Variants in PANX2 observed in about 807,000 individuals in gnomAD.
PANX2 encodes the protein pannexin 2.
A neutral mutation model predicts 38.7 loss-of-function variants in PANX2; 30 were observed. The observed-to-expected ratio is 0.78, with a 90% CI of 0.58 to 1.05. The LOEUF (loss-of-function observed/expected upper bound fraction) is 1.05, where lower values mean the gene tolerates loss of function less well. Among genes scored for constraint, PANX2 ranks in the 50% least tolerant of loss-of-function variants. PANX2 has a pLI of 0.00. For synonymous variants in PANX2, 539 were observed against 472.1 expected, an observed-to-expected ratio of 1.14 and a Z score of -1.84; for missense variants, 880 against 979.3, an observed-to-expected ratio of 0.90 and a Z score of 1.35.
At position 50,177,004 on chromosome 22, in the gene PANX2, T is replaced by G; in HGVS notation, c.292T>G (p.Tyr98Asp). 6.3e-7 allele frequency: 1 copy of G among 1,597,196 alleles called. No homozygotes were observed. Among genetic ancestry groups the G allele is most frequent in the Non-Finnish European group, 8.5e-7 (1 of 1,175,306 alleles). The change falls in exon 2 of 3, where the codon TAC (tyrosine) becomes GAC (aspartate). Residue 98 changes from tyrosine (Y) to aspartate (D), a missense_variant. Physicochemically the swap from Tyr to Asp is radical, Grantham distance 160. Around this residue, in one of 4 missense-constraint regions of PANX2, gnomAD observed 243 missense variants for 333.1 expected, o/e 0.73. Transcript: ENST00000395842. ...TRDQALYARG[Y>D]CWTELRDALP... is the part of the protein sequence containing the mutation. ...CGACCAGGCGCTGTACGCCCGCGGC[T>G]ACTGCTGGACGGAGCTGCGGGACGC...
Position 50,177,608 on chromosome 22 carries a change from GCGT to G in PANX2, c.898_900del (p.Val300del). The G allele has an allele frequency of 6.2e-7, 1 of 1,612,938 alleles. No homozygotes were observed. The highest frequency in any genetic ancestry group is 8.5e-7 in the Non-Finnish European group (1 of 1,179,984). On this transcript the variant is annotated inframe_deletion, in exon 2 of 3. Transcript: ENST00000395842. ...GCGGGCGTGGACATCGTGCTGCTGTGCGTCATGAACCTCATCATCCTCGTCAAC... is the reference window on the plus strand; with the variant it reads ...GCGGGCGTGGACATCGTGCTGCTGTGCATGAACCTCATCATCCTCGTCAAC...
chr22:50,173,856 A>G (rs2063648257), intron 1 of PANX2, among the ~76,000 whole-genome samples: 3 of 151,852 alleles, frequency 2.0e-5, no homozygotes, highest in Admixed American at 1.3e-4. Context: ...CTGTCCTCAC[A>G]TCTCCTCCCT....
In PANX2 at chr22:50,178,340, A is replaced by G; in HGVS notation, c.1628A>G (p.Glu543Gly). ...GCCCTGCCCGCCTCCCGGAGCCAGG[A>G]GGGGGGCTTCCTGTCCCAGGCGGAG... is the stretch of plus-strand genomic sequence containing the variant. ...PAALPASRSQEGGFLSQAEDC... is the reference protein window; with the variant it reads ...PAALPASRSQGGGFLSQAEDC... Residue 543 changes from glutamate (E) to glycine (G), a missense_variant, in exon 2 of 3, where the codon GAG becomes GGG. Transcript: ENST00000395842. The G allele has an allele frequency of 1.3e-6, 2 of 1,498,510 alleles. No homozygotes were observed. The highest frequency in any genetic ancestry group is 8.8e-7 in the Non-Finnish European group (1 of 1,131,722). The allele number at this position is 1,498,510 out of a possible 1,614,324, so 92.8% of individuals were successfully genotyped here. A position where few individuals can be genotyped will look rare whatever the true frequency, so the allele number is the denominator to read the frequency against.
rs1197587897 is a variant in PANX2, at chr22:50,178,312, G to A, written c.1600G>A (p.Ala534Thr). Residue 534 changes from alanine (A) to threonine (T), a missense_variant, in exon 2 of 3, where the codon GCC becomes ACC. By Grantham distance (58) the Ala-to-Thr change is moderately conservative. Around this residue, in one of 4 missense-constraint regions of PANX2, gnomAD observed 445 missense variants for 404.3 expected, o/e 1.10. Coordinates refer to ENST00000395842, the MANE Select transcript of PANX2 (RefSeq NM_052839.4). ...TKKAKAEAVP[A>T]ALPASRSQEG... The stretch of plus-strand genomic sequence containing the variant: ...GAAGGCCAAGGCCGAGGCGGTGCCC[G>A]CCGCCCTGCCCGCCTCCCGGAGCCA... The A allele has an allele frequency of 4.0e-6, 6 of 1,506,690 alleles. No homozygotes were observed. The East Asian group carries it at 7.9e-5, about 20-fold the overall frequency. 93.3% of individuals were successfully genotyped at this position (1,506,690 alleles called of 1,614,324 possible).
intron 2 of PANX2, 143 bp from the exon 3 acceptor site, chr22:50,178,791 G>A (rs974441798): frequency 9.0e-6 from 6 of 668,470 alleles, no homozygotes; most frequent in African/African-American, 7.4e-5. Context: ...GCCAACTGCT[G>A]TGTGCAGGGG....
At position 50,178,955 on chromosome 22, in the gene PANX2, A is replaced by T. The variant is rs776009956; in HGVS notation, c.1712A>T (p.Glu571Val). The T allele has an allele frequency of 3.8e-5, 60 of 1,579,034 alleles. No individual in the cohort carries two copies. Among genetic ancestry groups the T allele is most frequent in the Non-Finnish European group, 5.1e-5 (59 of 1,160,618 alleles). ...GCAGATGCTCCGCTCCCCGAGAAGG[A>T]AATCCCGTACCCCACAGAGCCAGCC... ...PIKDAPLPEK[E>V]IPYPTEPARA... The change falls in exon 3 of 3, where the codon GAA (glutamate) becomes GTA (valine). Residue 571 changes from glutamate to valine, a missense_variant. Glu to Val is a moderately radical substitution (Grantham distance 121). Transcript: ENST00000395842.
In PANX2 at chr22:50,178,074, C is replaced by T; in HGVS notation, c.1362C>T (p.Asn454=). ...CGCTGGCCATCATGCGCGTGGAGAACAGCAAGGCGGAGAAGCCGAAGCCCG... is the reference window on the plus strand; with the variant it reads ...CGCTGGCCATCATGCGCGTGGAGAATAGCAAGGCGGAGAAGCCGAAGCCCG... ...KEPLAIMRVE[N]SKAEKPKPAR... Residue 454 remains asparagine, a synonymous_variant, in exon 2 of 3, where the codon AAC becomes AAT. Coordinates refer to ENST00000395842, the MANE Select transcript of PANX2 (RefSeq NM_052839.4). 3 of 1,554,440 alleles carry T rather than the reference C, an allele frequency of 1.9e-6. No individual in the cohort carries two copies. The highest frequency in any genetic ancestry group is 1.7e-6 in the Non-Finnish European group (2 of 1,158,246).
chr22:50,178,534 G>C (rs1382029121), intron 2 of PANX2, 132 bp downstream of exon 2: 2 of 596,040 alleles, frequency 3.4e-6, no homozygotes, highest in Non-Finnish European at 2.7e-6. Flanking sequence ...CCCTCAAAGG[G>C]GGAAGGGAGG....
intron 1 of PANX2, among the ~76,000 whole-genome samples, chr22:50,174,002 G>T (rs1453356814): frequency 6.6e-6 from 1 of 152,182 alleles, no homozygotes; most frequent in Admixed American, 6.5e-5. Context: ...GCATCTTTGG[G>T]GGCCATGATT....
rs751853919 is a variant in PANX2 at position 50,178,173 on chromosome 22, A to AGGG, written c.1464_1466dup (p.Gly489dup). 2 of 1,496,562 alleles carry AGGG rather than the reference A, an allele frequency of 1.3e-6. No homozygotes were observed. Among genetic ancestry groups the AGGG allele is most frequent in the South Asian group, 1.3e-5 (1 of 77,440 alleles). 92.7% of individuals were successfully genotyped at this position (1,496,562 alleles called of 1,614,324 possible). On this transcript the variant is annotated inframe_insertion, in exon 2 of 3. Transcript: ENST00000395842. ...GCTCCGCCCACCACTACAAGGGCGG[A>AGGG]GGGGGCGACCCGGGCCCCGGCCCCG... is the stretch of plus-strand genomic sequence containing the variant.
chr22:50,171,181 C>T (rs537870872), intron 1 of PANX2, among the ~76,000 whole-genome samples: 1 of 152,206 alleles, frequency 6.6e-6, no homozygotes, highest in Non-Finnish European at 1.5e-5. Context: ...TCCTTCCATT[C>T]GTCCGCCCAT....
At chr22:50,172,186 G>A (rs1162950690) in intron 1 of PANX2, among the ~76,000 whole-genome samples, 6 of 152,230 alleles carry the variant, frequency 3.9e-5, no homozygotes, top group Non-Finnish European at 5.9e-5. Context: ...TGTGTTTGTA[G>A]CAACCAAGTA....
In PANX2 at chr22:50,179,266, G is replaced by A. The variant is rs1273333443; in HGVS notation, c.2023G>A (p.Val675Met). 2 of 1,612,410 alleles carry A rather than the reference G, an allele frequency of 1.2e-6. No individual in the cohort carries two copies. The highest frequency in any genetic ancestry group is 4.5e-5 in the East Asian group (2 of 44,866). Residue 675 changes from valine to methionine, a missense_variant, in exon 3 of 3, where the codon GTG becomes ATG. By Grantham distance (21) the Val-to-Met change is conservative (BLOSUM62 1). This residue lies in a region of PANX2 where 445 missense variants were observed against 404.3 expected (regional missense o/e 1.10). Transcript: ENST00000395842. ...FDEPRTVVST[V>M]EF ...CGAGCCGAGAACGGTCGTGAGTACT[G>A]TGGAGTTTTGAGGGATGGCACCGTC... is the stretch of plus-strand genomic sequence containing the variant.
At position 50,177,264 on chromosome 22, in the gene PANX2, C is replaced by T. The variant is rs1394445390; in HGVS notation, c.552C>T (p.Gly184=). Residue 184 remains glycine, a synonymous_variant, in exon 2 of 3, where the codon GGC becomes GGT. Coordinates refer to ENST00000395842, the MANE Select transcript of PANX2 (RefSeq NM_052839.4). ...TCGAGAAGCAGATCCAGTCCAAGGGCCCGGGCATCACGGAGCGCGAGAAGC... is the reference window on the plus strand; with the variant it reads ...TCGAGAAGCAGATCCAGTCCAAGGGTCCGGGCATCACGGAGCGCGAGAAGC... ...PKIEKQIQSK[G]PGITEREKRE... 9.9e-6 allele frequency: 16 copies of T among 1,612,314 alleles called. No homozygotes were observed. The highest frequency in any genetic ancestry group is 1.3e-5 in the Non-Finnish European group (15 of 1,179,760).
At chr22:50,175,215 C>T (rs1245139445) in intron 1 of PANX2, among the ~76,000 whole-genome samples, 1 of 152,172 alleles carries the variant, frequency 6.6e-6, no homozygotes, top group Admixed American at 6.5e-5. Context: ...CGGTGTGGGG[C>T]CCCTGCTTTC....
In PANX2 at chr22:50,178,193, G is replaced by GCCCCGC. The variant is rs1322239082; in HGVS notation, c.1485_1490dup (p.Ala500_Pro501dup). On this transcript the variant is annotated inframe_insertion, in exon 2 of 3. Coordinates refer to ENST00000395842, the MANE Select transcript of PANX2 (RefSeq NM_052839.4). ...GGCGGAGGGGGCGACCCGGGCCCCG[G>GCCCCGC]CCCCGCCCCTGCCCCCGCCCCGCCG... The GCCCCGC allele has an allele frequency of 1.7e-4, 252 of 1,465,122 alleles. 1 individual carries two copies. The highest frequency in any genetic ancestry group is 1.1e-4 in the Admixed American group (4 of 37,868). The allele number at this position is 1,465,122 out of a possible 1,614,324, so 90.8% of individuals were successfully genotyped here.
In PANX2 at chr22:50,177,503, C is replaced by A; in HGVS notation, c.791C>A (p.Ser264Tyr). 6.2e-7 allele frequency: 1 copy of A among 1,609,402 alleles called. No homozygotes were observed. Among genetic ancestry groups the A allele is most frequent in the Non-Finnish European group, 8.5e-7 (1 of 1,178,244 alleles). The change falls in exon 2 of 3, where the codon TCC becomes TAC. Residue 264 changes from serine (S) to tyrosine (Y), a missense_variant. Transcript: ENST00000395842. Reference sequence around the variant, plus strand: ...GAGTTCACCTGCGCGCTGGGCGCGTCCCCGGACGGGGCGGCAGGTGCGGGG... The same window carrying A: ...GAGTTCACCTGCGCGCTGGGCGCGTACCCGGACGGGGCGGCAGGTGCGGGG... ...QNEFTCALGA[S>Y]PDGAAGAGPA...
In PANX2 at chr22:50,178,323, C is replaced by T. The variant is rs1172864152; in HGVS notation, c.1611C>T (p.Pro537=). The T allele has an allele frequency of 8.6e-6, 13 of 1,510,428 alleles. No homozygotes were observed. The Admixed American group carries it at 2.9e-4, about 34-fold the overall frequency. The allele number at this position is 1,510,428 out of a possible 1,614,324, so 93.6% of individuals were successfully genotyped here. Residue 537 remains proline, a synonymous_variant, in exon 2 of 3, where the codon CCC becomes CCT. Transcript: ENST00000395842. ...CCGAGGCGGTGCCCGCCGCCCTGCC[C>T]GCCTCCCGGAGCCAGGAGGGGGGCT... is the stretch of plus-strand genomic sequence containing the variant. ...AKAEAVPAAL[P]ASRSQEGGFL...
At position 50,177,993 on chromosome 22, in the gene PANX2, CAAG is replaced by C; in HGVS notation, c.1286_1288del (p.Lys429del). The C allele has an allele frequency of 3.9e-6, 6 of 1,539,626 alleles. No homozygotes were observed. The highest frequency in any genetic ancestry group is 2.5e-5 in the East Asian group (1 of 40,672). On this transcript the variant is annotated inframe_deletion, in exon 2 of 3. Coordinates refer to ENST00000395842, the MANE Select transcript of PANX2 (RefSeq NM_052839.4). ...AGCCGCCCGTGGTCAAGCGGCCGCG[CAAG>C]AAGATGAAGTGGATCCCCACCAGCA...
Sources: gnomAD v4.1 joint callset for allele counts (sites outside exome capture counted in the v4.1 genomes callset) on GRCh38, gnomAD v4.1.1 for gene constraint, gnomAD v4.1.1 regional missense constraint, MANE v1.5 for transcripts, NCBI Gene and HGNC (gene_info 2026-07-23, HGNC 2026-07-21) for gene names.